Variants in PDE3A observed in about 807,000 individuals in gnomAD.
PDE3A encodes cGMP-inhibited 3',5'-cyclic phosphodiesterase 3A.
A neutral mutation model predicts 98.3 loss-of-function variants in PDE3A; 43 were observed. The ratio of observed to expected loss-of-function variants is 0.44; its 90% CI spans 0.34 to 0.56. PDE3A has a LOEUF of 0.56. Among genes scored for constraint, PDE3A ranks in the 20% least tolerant of loss-of-function variants. The pLI is 0.01. For synonymous variants in PDE3A, 663 were observed against 567.9 expected (o/e 1.17, Z -2.38); for missense variants, 1,427 against 1,440.7 (o/e 0.99, Z 0.15).
chr12:20,581,384 C>A (rs1401295018), intron 2 of PDE3A, among the ~76,000 whole-genome samples: 1 of 152,054 alleles, frequency 6.6e-6, no homozygotes, highest in East Asian at 1.9e-4. Context: ...AATATTGATA[C>A]AGGTAGTGGT....
intron 15 of PDE3A, among the ~76,000 whole-genome samples, chr12:20,669,350 A>G (rs369924013): frequency 3.3e-5 from 5 of 151,988 alleles, no homozygotes; most frequent in Admixed American, 1.3e-4. Flanking sequence ...TACAGAGAAC[A>G]CCACAAAGAT....
Position 20,552,099 on chromosome 12 carries a change from G to C in PDE3A, c.961-4561G>C. ...GTGGTCGAGAGCTTTCCGGCAACAA[G>C]AGGACCGCGGAACAGTCTTGTGATC... On this transcript the variant is annotated intron_variant, in intron 1 of 15. Transcript: ENST00000359062. This position sits in a 1 kb window ranked among gnomAD's most constrained non-coding sequence, Gnocchi z 5.1. The C allele has an allele frequency of 6.2e-7, 1 of 1,613,020 alleles. No individual in the cohort carries two copies. The highest frequency in any genetic ancestry group is 1.3e-5 in the African/African-American group (1 of 75,024).
chr12:20,644,854 C>A (rs1228446517), intron 10 of PDE3A, among the ~76,000 whole-genome samples: 1 of 145,840 alleles, frequency 6.9e-6, no homozygotes, highest in African/African-American at 2.6e-5. Flanking sequence ...TCCTCCTCCC[C>A]CTCCTCCCCC....
At chr12:20,425,479 G>A (rs989335906) in intron 1 of PDE3A, among the ~76,000 whole-genome samples, 1 of 152,058 alleles carries the variant, frequency 6.6e-6, no homozygotes, top group Non-Finnish European at 1.5e-5. Flanking sequence ...ATTTATGTAT[G>A]CATTTTTGTA....
At chr12:20,617,480 T>G (rs1944033780) in intron 4 of PDE3A, among the ~76,000 whole-genome samples, 1 of 152,136 alleles carries the variant, frequency 6.6e-6, no homozygotes, top group Non-Finnish European at 1.5e-5. Context: ...GATTATGTAG[T>G]GTTTCATGAA....
chr12:20,646,171 G>A (rs1401965876), intron 10 of PDE3A, among the ~76,000 whole-genome samples: 1 of 152,110 alleles, frequency 6.6e-6, no homozygotes, highest in African/African-American at 2.4e-5. Context: ...ATGAAAATAA[G>A]TACCAGAGTA....
In PDE3A at chr12:20,616,211, A is replaced by T. The variant is rs749803269; in HGVS notation, c.1270-19A>T. ...AGATATAAAATATTCTGGGTAATGA[A>T]GTCAAGTCTCTTTCCTAGCGCCTGA... On this transcript the variant is annotated intron_variant, in intron 3 of 15. Transcript: ENST00000359062. 1 of 1,611,122 alleles carries T rather than the reference A, an allele frequency of 6.2e-7. No homozygotes were observed. Among genetic ancestry groups the T allele is most frequent in the Non-Finnish European group, 8.5e-7 (1 of 1,177,950 alleles).
At chr12:20,411,388 A>G (rs939344193) in intron 1 of PDE3A, among the ~76,000 whole-genome samples, 6 of 152,172 alleles carry the variant, frequency 3.9e-5, no homozygotes, top group Admixed American at 3.9e-4. Flanking sequence ...TAGAAGTAAA[A>G]TAGGACAGTA....
chr12:20,582,470 A>T (rs895099050), intron 2 of PDE3A, among the ~76,000 whole-genome samples: 5 of 152,178 alleles, frequency 3.3e-5, no homozygotes, highest in South Asian at 2.1e-4. Context: ...CTGGGAGGAT[A>T]CAAAATTATT....
At chr12:20,558,369 GC>G (rs1565588703) in intron 2 of PDE3A, among the ~76,000 whole-genome samples, 1 of 151,990 alleles carries the variant, frequency 6.6e-6, no homozygotes, top group African/African-American at 2.4e-5. Flanking sequence ...ATATTTGAAA[GC>G]CTGAGGTGGT....
At chr12:20,456,249 C>T (rs1945149528) in intron 1 of PDE3A, among the ~76,000 whole-genome samples, 1 of 152,030 alleles carries the variant, frequency 6.6e-6, no homozygotes, top group Admixed American at 6.6e-5. Flanking sequence ...AGTCAGATAG[C>T]TTAAGTTTGC....
At chr12:20,669,724 A>C (rs1178240887) in intron 15 of PDE3A, among the ~76,000 whole-genome samples, 1 of 152,178 alleles carries the variant, frequency 6.6e-6, no homozygotes, top group Non-Finnish European at 1.5e-5. Context: ...AGGAACAACC[A>C]GTACCAGCTG....
At chr12:20,578,768 T>C (rs1179936174) in intron 2 of PDE3A, among the ~76,000 whole-genome samples, 1 of 152,124 alleles carries the variant, frequency 6.6e-6, no homozygotes, top group Admixed American at 6.5e-5. Flanking sequence ...GTCTCCCTGA[T>C]CTGATTATCT....
intron 1 of PDE3A, among the ~76,000 whole-genome samples, chr12:20,522,050 C>T: frequency 6.6e-6 from 1 of 152,146 alleles, no homozygotes; most frequent in South Asian, 2.1e-4. Context: ...GATGGGGTTT[C>T]AGATGTTCCT....
chr12:20,428,712 A>G (rs76317841), intron 1 of PDE3A, among the ~76,000 whole-genome samples: 6,353 of 152,318 alleles, frequency 0.042, 168 homozygotes, highest in South Asian at 0.059. Flanking sequence ...GCACATATAA[A>G]CACTCAAGTA....
intron 1 of PDE3A, among the ~76,000 whole-genome samples, chr12:20,458,303 C>A (rs1028778218): frequency 6.6e-6 from 1 of 151,858 alleles, no homozygotes; most frequent in African/African-American, 2.4e-5. Flanking sequence ...GAGTTTGTTG[C>A]CACTATTTCC....
intron 1 of PDE3A, among the ~76,000 whole-genome samples, chr12:20,525,144 A>G (rs1286416678): frequency 6.6e-6 from 1 of 152,174 alleles, no homozygotes; most frequent in East Asian, 1.9e-4. Flanking sequence ...ACAAAAAAGA[A>G]GATGGAGCTA....
chr12:20,518,588 T>C (rs1946363751), intron 1 of PDE3A, among the ~76,000 whole-genome samples: 1 of 152,164 alleles, frequency 6.6e-6, no homozygotes, highest in African/African-American at 2.4e-5. Flanking sequence ...CTTCCTAGTG[T>C]TGGATTGGAG....
At position 20,687,277 on chromosome 12, in the gene PDE3A, A is replaced by G. The variant is rs900106420; in HGVS notation, c.*7006A>G. Among the ~76,000 whole-genome samples, 1 of 152,036 alleles carries G rather than the reference A, an allele frequency of 6.6e-6. No homozygotes were observed. The highest frequency in any genetic ancestry group is 1.5e-5 in the Non-Finnish European group (1 of 67,950). ...CAACTGATTATGGGTCAAAAACTCC[A>G]TCTTATATCAGCGATGATTTCATTT... On this transcript the variant is annotated 3_prime_UTR_variant, in exon 16 of 16. Transcript: ENST00000359062.
Sources: allele counts gnomAD v4.1 joint callset (sites outside exome capture counted in the v4.1 genomes callset), GRCh38; gene constraint gnomAD v4.1.1; non-coding constraint Gnocchi (gnomAD v3.1); transcripts MANE v1.5; gene names NCBI Gene and HGNC (gene_info 2026-07-23, HGNC 2026-07-21).